PSMB10: variants seen among roughly 807,000 people sequenced by gnomAD.
PSMB10 encodes proteasome subunit beta type-10.
Under a neutral mutation model 29.8 loss-of-function variants are expected in PSMB10, and 29 were observed. The ratio of observed to expected loss-of-function variants is 0.97; its 90% confidence interval spans 0.73 to 1.33. PSMB10 has a LOEUF of 1.33. PSMB10 is among the 40% of genes most tolerant of loss of function. The pLI is 0.00. For synonymous variants in PSMB10, 157 were observed against 164.7 expected (o/e 0.95, Z 0.36); for missense variants, 327 against 369.2 (o/e 0.89, Z 0.94).
Position 67,936,260 on chromosome 16 carries a change from G to T in PSMB10, c.197C>A (p.Ala66Glu). The stretch of plus-strand genomic sequence containing the variant: ...GTGGATCTTCTCGCAGCTCTTGTCC[G>T]CCACGACCGAATCGTTAGTGGCTCG... ...DTRATNDSVV[A>E]DKSCEKIHFI... is the part of the protein sequence containing the mutation. Residue 66 changes from alanine (A) to glutamate (E), a missense_variant, in exon 3 of 8, where the codon GCG becomes GAG. Physicochemically the swap from Ala to Glu is moderately radical, Grantham distance 107 (BLOSUM62 -1). Transcript: ENST00000358514. The T allele has an allele frequency of 6.2e-7, 1 of 1,613,964 alleles. No homozygotes were observed. Among genetic ancestry groups the T allele is most frequent in the Non-Finnish European group, 8.5e-7 (1 of 1,179,980 alleles).
Position 67,934,885 on chromosome 16 carries a change from A to T in PSMB10, c.622T>A (p.Ser208Thr). The T allele has an allele frequency of 6.2e-7, 1 of 1,613,848 alleles. No homozygotes were observed. The highest frequency in any genetic ancestry group is 8.5e-7 in the Non-Finnish European group (1 of 1,180,010). ...ACACATGCGTCCACATTGCCCCCGG[A>T]GCCCAGGTCACCCAAGATCCCGGCG... ...VTAGILGDLG[S>T]GGNVDACVIT... Residue 208 changes from serine (S) to threonine (T), a missense_variant, in exon 7 of 8, where the codon TCC becomes ACC. Coordinates refer to ENST00000358514, the MANE Select transcript of PSMB10 (RefSeq NM_002801.4). The surrounding 1 kb of genome is among the most constrained non-coding windows in gnomAD (Gnocchi z 4.3).
At chr16:67,935,508 C>G in intron 5 of PSMB10, 30 bp from the exon 6 acceptor site, 1 of 1,614,020 alleles carries the variant, frequency 6.2e-7, no homozygotes, top group Non-Finnish European at 8.5e-7. Context: ...CTGAAGTCAA[C>G]CGCTGCGACG....
At chr16:67,935,531 A>G in intron 5 of PSMB10, 51 bp downstream of exon 5, 1 of 1,613,986 alleles carries the variant, frequency 6.2e-7, no homozygotes, top group South Asian at 1.1e-5. Flanking sequence ...GTTTGGAGTG[A>G]GGCCAAGGTC....
chr16:67,935,942 C>G, intron 4 of PSMB10, 21 bp downstream of exon 4: 2 of 1,597,740 alleles, frequency 1.3e-6, no homozygotes, highest in Non-Finnish European at 1.7e-6. Context: ...TGCCGGGGTC[C>G]TGTTAGCCCT....
chr16:67,935,020 C>G (rs543562512), intron 6 of PSMB10, 72 bp from the exon 7 acceptor site: 55 of 1,552,752 alleles, frequency 3.5e-5, no homozygotes, highest in Non-Finnish European at 4.5e-5. Context: ...TGGGGACTTG[C>G]CTGTCCACTT....
rs1161586170 is a variant in PSMB10 at position 67,935,713 on chromosome 16, C to A, written c.384-16G>T. On this transcript the variant is annotated splice_polypyrimidine_tract_variant and intron_variant, in intron 4 of 7. Transcript: ENST00000358514. ...GCCCTGGTACCTGCTCGAGGATGGG[C>A]GGGGTCGGCCACAAGCTGGGGCCTA... is the stretch of plus-strand genomic sequence containing the variant. 2 of 1,611,372 alleles carry A rather than the reference C, an allele frequency of 1.2e-6. No homozygotes were observed. Among genetic ancestry groups the A allele is most frequent in the East Asian group, 4.5e-5 (2 of 44,868 alleles).
At position 67,935,567 on chromosome 16, in the gene PSMB10, G is replaced by C. The variant is rs1165596622; in HGVS notation, c.499+15C>G. ...ACAGGGGCAGAGTTCGAGGAGAAGG[G>C]ACAGAAGCGCTCACCCAGGGCTGTG... On this transcript the variant is annotated intron_variant, in intron 5 of 7. Coordinates refer to ENST00000358514, the MANE Select transcript of PSMB10 (RefSeq NM_002801.4). The C allele has an allele frequency of 6.2e-7, 1 of 1,613,968 alleles. No homozygotes were observed. Among genetic ancestry groups the C allele is most frequent in the South Asian group, 1.1e-5 (1 of 91,074 alleles).
chr16:67,936,110 CA>C lies in PSMB10; in HGVS notation c.243-8del. Reference sequence around the variant, plus strand: ...TACTCCAGCCCCACAGCAGCTGAGGCAAAAGGGAGGATCGGTGTGGGCAGGG... The same window carrying C: ...TACTCCAGCCCCACAGCAGCTGAGGCAAAGGGAGGATCGGTGTGGGCAGGG... On this transcript the variant is annotated splice_region_variant and splice_polypyrimidine_tract_variant and intron_variant, in intron 3 of 7. Coordinates refer to ENST00000358514, the MANE Select transcript of PSMB10 (RefSeq NM_002801.4). 6.2e-7 allele frequency: 1 copy of C among 1,608,698 alleles called. No individual in the cohort carries two copies.
chr16:67,936,194 A>G lies in PSMB10; in HGVS notation c.242+21T>C, dbSNP rs1204466066. On this transcript the variant is annotated intron_variant, in intron 3 of 7. Transcript: ENST00000358514. ...GGGGCCGTTCTTTTTTGCGTACGGG[A>G]ACTGGGCTCGGGAGTCTCACTAGAT... 4 of 1,612,940 alleles carry G rather than the reference A, an allele frequency of 2.5e-6. No homozygotes were observed. The East Asian group carries it at 8.9e-5, about 36-fold the overall frequency.
chr16:67,936,339 C>T, intron 2 of PSMB10, 27 bp from the exon 3 acceptor site: 1 of 1,611,460 alleles, frequency 6.2e-7, no homozygotes, highest in East Asian at 2.2e-5. Flanking sequence ...ACCGCAGCTT[C>T]AGTGCCTGCT....
chr16:67,935,324 C>T (rs1377667472), intron 6 of PSMB10, 96 bp downstream of exon 6: 3 of 1,515,520 alleles, frequency 2.0e-6, no homozygotes, highest in African/African-American at 1.4e-5. Flanking sequence ...TCCGACAAGC[C>T]TTAGCCACCC....
Position 67,936,743 on chromosome 16 carries a change from T to A in PSMB10, c.7A>T (p.Lys3Ter). The A allele has an allele frequency of 6.4e-7, 1 of 1,557,358 alleles. No individual in the cohort carries two copies. The highest frequency in any genetic ancestry group is 1.2e-5 in the South Asian group (1 of 84,828). Residue 3 changes from lysine (K) to a stop codon, truncating the protein, a stop_gained, in exon 1 of 8, where the codon AAG becomes TAG. Coordinates refer to ENST00000358514, the MANE Select transcript of PSMB10 (RefSeq NM_002801.4). LOFTEE classifies it high-confidence loss of function. ...CCCCCTCGGGGCTCCAGGGCTGGCTTCAGCATCTTGGGGCAGGCAGAGGGG... is the reference window on the plus strand; with the variant it reads ...CCCCCTCGGGGCTCCAGGGCTGGCTACAGCATCTTGGGGCAGGCAGAGGGG... ML[K>*]PALEPRGGFS...
At chr16:67,936,348 C>T in intron 2 of PSMB10, 36 bp from the exon 3 acceptor site, 2 of 1,611,056 alleles carry the variant, frequency 1.2e-6, no homozygotes, top group South Asian at 2.2e-5. Flanking sequence ...TCAGTGCCTG[C>T]TCGATACTCT....
intron 6 of PSMB10, 55 bp downstream of exon 6, chr16:67,935,365 C>T (rs776735574): frequency 2.5e-6 from 4 of 1,605,356 alleles, no homozygotes; most frequent in Admixed American, 1.7e-5. Flanking sequence ...GCTCCCCCAG[C>T]TCCCGGGTGC....
intron 4 of PSMB10, 74 bp from the exon 5 acceptor site, chr16:67,935,771 C>G: frequency 6.5e-7 from 1 of 1,528,006 alleles, no homozygotes; most frequent in Non-Finnish European, 8.9e-7. Flanking sequence ...CTCCTAGGTG[C>G]TATCCCCGCC....
chr16:67,935,203 C>T (rs775241479), intron 6 of PSMB10: 3 of 707,108 alleles, frequency 4.2e-6, no homozygotes, highest in Non-Finnish European at 6.9e-6. Context: ...TCCTAAAGAT[C>T]CTCTGTGAGC....
rs1443517980 is a variant in PSMB10 at position 67,934,814 on chromosome 16, G to C, written c.693C>G (p.Pro231=). 1 of 1,613,878 alleles carries C rather than the reference G, an allele frequency of 6.2e-7. No homozygotes were observed. Among genetic ancestry groups the C allele is most frequent in the Non-Finnish European group, 8.5e-7 (1 of 1,179,954 alleles). Residue 231 remains proline, a synonymous_variant, in exon 7 of 8, where the codon CCC becomes CCG. Transcript: ENST00000358514. This position sits in a 1 kb window ranked among gnomAD's most constrained non-coding sequence, Gnocchi z 4.3. Reference sequence around the variant, plus strand: ...GCTCTCACCTCTTCACGGGCTCTGTGGGTGAGCTCAGTGTCCGCAGCAGCT... The same window carrying C: ...GCTCTCACCTCTTCACGGGCTCTGTCGGTGAGCTCAGTGTCCGCAGCAGCT... ...GAKLLRTLSS[P]TEPVKRSGRY... is the part of the protein sequence containing the mutation.
At position 67,935,576 on chromosome 16, in the gene PSMB10, GCTCACCC is replaced by G; in HGVS notation, c.498_499+5del. On this transcript the variant is annotated splice_donor_variant and splice_donor_5th_base_variant and coding_sequence_variant and intron_variant, in exon 5 of 8. Coordinates refer to ENST00000358514, the MANE Select transcript of PSMB10 (RefSeq NM_002801.4). LOFTEE classifies it high-confidence loss of function. ...GAGTTCGAGGAGAAGGGACAGAAGC[GCTCACCC>G]AGGGCTGTGAAGGGCAGACGGCTGT... 6 of 1,613,946 alleles carry G rather than the reference GCTCACCC, an allele frequency of 3.7e-6. No individual in the cohort carries two copies. The highest frequency in any genetic ancestry group is 4.2e-6 in the Non-Finnish European group (5 of 1,179,794).
chr16:67,935,559 G>T, intron 5 of PSMB10, 23 bp downstream of exon 5: 1 of 1,613,574 alleles, frequency 6.2e-7, no homozygotes, highest in Non-Finnish European at 8.5e-7. Flanking sequence ...CAGAGTTCGA[G>T]GAGAAGGGAC....
Sources: allele counts gnomAD v4.1 joint callset, GRCh38; gene constraint gnomAD v4.1.1; non-coding constraint Gnocchi (gnomAD v3.1); transcripts MANE v1.5; gene names NCBI Gene and HGNC (gene_info 2026-07-23, HGNC 2026-07-21).